Variants in FAM193B observed in about 807,000 individuals in gnomAD.
FAM193B encodes protein FAM193B.
Under a neutral mutation model 70.7 loss-of-function variants are expected in FAM193B, and 27 were observed. The observed-to-expected ratio is 0.38, with a 90% confidence interval of 0.28 to 0.53. The LOEUF is 0.53. FAM193B is among the 20% of genes least tolerant of loss of function. FAM193B has a pLI of 0.81. For synonymous variants in FAM193B, 448 were observed against 436.0 expected (o/e 1.03, Z -0.34); for missense variants, 1,022 against 1,072.5 (o/e 0.95, Z 0.66).
intron 5 of FAM193B, among the ~76,000 whole-genome samples, chr5:177,528,811 G>A (rs1411390098): frequency 6.6e-6 from 1 of 152,206 alleles, no homozygotes; most frequent in African/African-American, 2.4e-5. Flanking sequence ...CCCGCCTGGC[G>A]ACACGGGAAC....
chr5:177,533,230 G>A (rs1265883955), intron 4 of FAM193B, among the ~76,000 whole-genome samples: 4 of 152,222 alleles, frequency 2.6e-5, no homozygotes, highest in South Asian at 2.1e-4. Flanking sequence ...CACAGGGCAC[G>A]GAGTTGAGAA....
chr5:177,524,832 G>A lies in FAM193B; in HGVS notation c.1649C>T (p.Pro550Leu). Reference protein sequence around the residue: ...GSPQNHTLQAPGEPAPPWAEM... With the variant: ...GSPQNHTLQALGEPAPPWAEM... ...TGCCCATGGTGGGGCTGGCTCGCCTGGAGCTTGTAACGTGTGGTTCTGAGG... is the reference window on the plus strand; with the variant it reads ...TGCCCATGGTGGGGCTGGCTCGCCTAGAGCTTGTAACGTGTGGTTCTGAGG... The change falls in exon 6 of 9, where the codon CCA becomes CTA. Residue 550 changes from proline to leucine, a missense_variant. Coordinates refer to ENST00000514747, the MANE Select transcript of FAM193B (RefSeq NM_001190946.3). The A allele has an allele frequency of 2.0e-6, 3 of 1,512,114 alleles. No individual in the cohort carries two copies. The highest frequency in any genetic ancestry group is 2.6e-6 in the Non-Finnish European group (3 of 1,133,012). 93.7% of individuals were successfully genotyped at this position (1,512,114 alleles called of 1,614,324 possible). A position where few individuals can be genotyped will look rare whatever the true frequency, so the allele number is the denominator to read the frequency against.
chr5:177,536,556 C>A lies in FAM193B; in HGVS notation c.878G>T (p.Cys293Phe). 6.5e-7 allele frequency: 1 copy of A among 1,537,132 alleles called. No homozygotes were observed. The highest frequency in any genetic ancestry group is 8.7e-7 in the Non-Finnish European group (1 of 1,149,084). ...GGGGGCAGTGGCAGCAGCAACAGGG[C>A]ACTCTGAAGCCTGGGCAGGGAAAGG... The part of the protein sequence containing the change: ...AAPFPAQASE[C>F]PVAAATAPHT... Residue 293 changes from cysteine to phenylalanine, a missense_variant, in exon 4 of 9, where the codon TGC (cysteine) becomes TTC (phenylalanine). By Grantham distance (205) the Cys-to-Phe change is radical. Coordinates refer to ENST00000514747, the MANE Select transcript of FAM193B (RefSeq NM_001190946.3).
intron 5 of FAM193B, among the ~76,000 whole-genome samples, chr5:177,529,761 C>T (rs1025857340): frequency 2.6e-5 from 4 of 152,166 alleles, no homozygotes; most frequent in South Asian, 4.1e-4. Flanking sequence ...TGGGAACTGC[C>T]GGATGTGCTC....
chr5:177,531,523 TG>T, intron 5 of FAM193B: 3 of 399,966 alleles, frequency 7.5e-6, no homozygotes, highest in Non-Finnish European at 8.9e-6. Flanking sequence ...AGCGGGTGGC[TG>T]GGGGTGGGGG....
At chr5:177,554,163 C>T in intron 1 of FAM193B, 86 bp downstream of exon 1, 2 of 1,455,892 alleles carry the variant, frequency 1.4e-6, no homozygotes, top group Middle Eastern at 2.0e-4. Context: ...GGCAGGATGG[C>T]CCATCCCCAA....
chr5:177,523,723 T>C (rs1283621386), intron 7 of FAM193B, among the ~76,000 whole-genome samples: 1 of 152,268 alleles, frequency 6.6e-6, no homozygotes, highest in Non-Finnish European at 1.5e-5. Context: ...TCTTGGGGCC[T>C]GACATGCCTC....
chr5:177,520,909 G>A (rs1253560250), intron 8 of FAM193B, among the ~76,000 whole-genome samples: 25 of 152,218 alleles, frequency 1.6e-4, no homozygotes. Flanking sequence ...GGACTCTGGG[G>A]CAGCACAAGG....
rs935914231 is a variant in FAM193B, at chr5:177,538,469, G to A, written c.454-362C>T. Among the ~76,000 whole-genome samples, 8 of 152,174 alleles carry A rather than the reference G, an allele frequency of 5.3e-5. No individual in the cohort carries two copies. The highest frequency in any genetic ancestry group is 1.2e-4 in the Non-Finnish European group (8 of 68,036). ...CTGGGTAAAAGGGAAGATCTGCAGC[G>A]ACGTGAGAAATGAGGAAAGTCTGGC... On this transcript the variant is annotated intron_variant, in intron 2 of 8. Coordinates refer to ENST00000514747, the MANE Select transcript of FAM193B (RefSeq NM_001190946.3). This position sits in a 1 kb window ranked among gnomAD's most constrained non-coding sequence, Gnocchi z 4.1.
At chr5:177,535,167 C>A (rs964273267) in intron 4 of FAM193B, among the ~76,000 whole-genome samples, 5 of 152,250 alleles carry the variant, frequency 3.3e-5, no homozygotes, top group African/African-American at 1.2e-4. Context: ...TTTAGAGACA[C>A]TGTTGGTAAT....
At chr5:177,528,926 G>A (rs997851089) in intron 5 of FAM193B, among the ~76,000 whole-genome samples, 3 of 152,220 alleles carry the variant, frequency 2.0e-5, no homozygotes, top group African/African-American at 4.8e-5. Context: ...CAGGGCTGCA[G>A]TGTTTCTGAG....
chr5:177,542,875 C>T (rs1002449623), intron 1 of FAM193B, among the ~76,000 whole-genome samples: 1 of 152,162 alleles, frequency 6.6e-6, no homozygotes, highest in Non-Finnish European at 1.5e-5. Flanking sequence ...TGTCTGGATC[C>T]CTCACAGTGC....
At chr5:177,534,985 T>C (rs1764007357) in intron 4 of FAM193B, among the ~76,000 whole-genome samples, 1 of 152,196 alleles carries the variant, frequency 6.6e-6, no homozygotes, top group South Asian at 2.1e-4. Flanking sequence ...TCATTGGTGG[T>C]TACATCAGTT....
chr5:177,539,563 AG>A (rs1764598787), intron 1 of FAM193B, among the ~76,000 whole-genome samples: 1 of 152,242 alleles, frequency 6.6e-6, no homozygotes, highest in Non-Finnish European at 1.5e-5. Context: ...CCCATCTGGA[AG>A]GAAAGAATGC....
chr5:177,543,259 T>C (rs1173726437), intron 1 of FAM193B, among the ~76,000 whole-genome samples: 1 of 152,174 alleles, frequency 6.6e-6, no homozygotes, highest in Non-Finnish European at 1.5e-5. Context: ...GAAAAGCTAA[T>C]TAAGCTCTAA....
chr5:177,534,298 T>TG (rs1413724296), intron 4 of FAM193B, among the ~76,000 whole-genome samples: 1 of 151,024 alleles, frequency 6.6e-6, no homozygotes, highest in African/African-American at 2.4e-5. Flanking sequence ...CTGATTTTTT[T>TG]TTTTTTTTTT....
At position 177,536,372 on chromosome 5, in the gene FAM193B, G is replaced by C; in HGVS notation, c.1062C>G (p.Leu354=). 6.2e-7 allele frequency: 1 copy of C among 1,609,452 alleles called. No homozygotes were observed. The highest frequency in any genetic ancestry group is 8.5e-7 in the Non-Finnish European group (1 of 1,178,680). ...PLLPPPSSQP[L]PSTHRDPGCK... is the part of the protein sequence containing the mutation. The stretch of plus-strand genomic sequence containing the variant: ...AGCACACTTACCTGTGAGTGCTAGG[G>C]AGTGGCTGAGAGCTCGGGGGTGGGA... Residue 354 remains leucine, a synonymous_variant, in exon 4 of 9, where the codon CTC becomes CTG. Transcript: ENST00000514747.
At position 177,522,075 on chromosome 5, in the gene FAM193B, T is replaced by C. The variant is rs1424811753; in HGVS notation, c.2373-4A>G. The C allele has an allele frequency of 1.2e-6, 2 of 1,613,080 alleles. No individual in the cohort carries two copies. Among genetic ancestry groups the C allele is most frequent in the African/African-American group, 1.3e-5 (1 of 74,884 alleles). On this transcript the variant is annotated splice_polypyrimidine_tract_variant and splice_region_variant and intron_variant, in intron 7 of 8. Coordinates refer to ENST00000514747, the MANE Select transcript of FAM193B (RefSeq NM_001190946.3). The stretch of plus-strand genomic sequence containing the variant: ...CTTTGCAGAATCCAAACAGAACCTG[T>C]TGGGTTTGGGGGACACATGAGAAGC...
chr5:177,538,247 G>T lies in FAM193B; in HGVS notation c.454-140C>A. 1.2e-6 allele frequency: 1 copy of T among 865,442 alleles called. No homozygotes were observed. Among genetic ancestry groups the T allele is most frequent in the Non-Finnish European group, 1.7e-6 (1 of 579,526 alleles). The allele number at this position is 865,442 out of a possible 1,614,324, so 53.6% of individuals were successfully genotyped here. ...CAAAAACACAATTAATACAACTCCA[G>T]CTATAAGAACAAATGAGGGCCAGGC... On this transcript the variant is annotated intron_variant, in intron 2 of 8. Transcript: ENST00000514747. This position sits in a 1 kb window ranked among gnomAD's most constrained non-coding sequence, Gnocchi z 4.1.
Sources: gnomAD v4.1 joint callset for allele counts (sites outside exome capture counted in the v4.1 genomes callset) on GRCh38, gnomAD v4.1.1 for gene constraint, Gnocchi (gnomAD v3.1) non-coding constraint, MANE v1.5 for transcripts, NCBI Gene and HGNC (gene_info 2026-07-23, HGNC 2026-07-21) for gene names.